Variants in DDX24 observed in about 807,000 individuals in gnomAD.
DDX24 encodes ATP-dependent RNA helicase DDX24.
A neutral mutation model predicts 68.9 loss-of-function variants in DDX24; 24 were observed. The ratio of observed to expected loss-of-function variants is 0.35; its 90% CI spans 0.25 to 0.49. DDX24 has a LOEUF of 0.49. Ranked by LOEUF, DDX24 falls within the 20% of genes least tolerant of loss-of-function variation. The probability of loss-of-function intolerance (pLI) is 0.99; values close to 1 mark genes in which losing one functional copy is unlikely to be tolerated. For synonymous variants in DDX24, 395 were observed against 385.2 expected, an observed-to-expected ratio of 1.03 and a Z score of -0.30; for missense variants, 989 against 1,039.0, an observed-to-expected ratio of 0.95 and a Z score of 0.66.
chr14:94,081,099 CCGCT>C lies in DDX24; in HGVS notation c.-6+16_-6+19del, dbSNP rs1283125481. ...CCCCTCTCCAGAGTCGGCTCCAACC[CCGCT>C]CGTTTTGGTACTCACCGTGTGGAGA... On this transcript the variant is annotated intron_variant, in intron 1 of 8. Transcript: ENST00000621632. The C allele has an allele frequency of 6.6e-6, 1 of 152,322 alleles. No individual in the cohort carries two copies. Among genetic ancestry groups the C allele is most frequent in the African/African-American group, 2.4e-5 (1 of 41,470 alleles). The allele number at this position is 152,322 out of a possible 1,614,324, so 9.4% of individuals were successfully genotyped here. A position where few individuals can be genotyped will look rare whatever the true frequency, so the allele number is the denominator to read the frequency against.
At position 94,060,483 on chromosome 14, in the gene DDX24, G is replaced by A. The variant is rs746212702; in HGVS notation, c.1528C>T (p.Leu510Phe). The A allele has an allele frequency of 3.1e-6, 5 of 1,614,164 alleles. No individual in the cohort carries two copies. Among genetic ancestry groups the A allele is most frequent in the Non-Finnish European group, 4.2e-6 (5 of 1,180,028 alleles). ...KRQTLVFSAT[L>F]TLVHQAPARI... ...GCAGGAGCCTGATGCACCAGGGTGA[G>A]TGTGGCAGAAAAAACAAGCGTTTGT... Residue 510 changes from leucine (L) to phenylalanine (F), a missense_variant, in exon 5 of 9, where the codon CTC becomes TTC. Coordinates refer to ENST00000621632, the MANE Select transcript of DDX24 (RefSeq NM_020414.4).
intron 2 of DDX24, among the ~76,000 whole-genome samples, chr14:94,067,283 G>A (rs778896727): frequency 6.6e-6 from 1 of 151,784 alleles, no homozygotes. Context: ...ATCCAAGAAA[G>A]ACAAAGAAAA....
intron 2 of DDX24, among the ~76,000 whole-genome samples, chr14:94,070,017 A>G (rs1353008752): frequency 6.6e-6 from 1 of 152,188 alleles, no homozygotes; most frequent in Non-Finnish European, 1.5e-5. Flanking sequence ...AGCCAGAGCA[A>G]TAAGACAAGA....
chr14:94,076,520 A>C (rs1357308988), intron 2 of DDX24, among the ~76,000 whole-genome samples: 2 of 152,046 alleles, frequency 1.3e-5, no homozygotes, highest in African/African-American at 2.4e-5. Context: ...GTCTCTGCTA[A>C]AAATACAAAA....
chr14:94,068,353 A>G (rs1567060662), intron 2 of DDX24, among the ~76,000 whole-genome samples: 1 of 152,208 alleles, frequency 6.6e-6, no homozygotes, highest in African/African-American at 2.4e-5. Flanking sequence ...GGAGCTCACC[A>G]ATTTACGAAA....
intron 2 of DDX24, among the ~76,000 whole-genome samples, chr14:94,077,119 T>C (rs1316465635): frequency 6.6e-6 from 1 of 152,256 alleles, no homozygotes; most frequent in Non-Finnish European, 1.5e-5. Context: ...CTGCTTATGT[T>C]ATCTGTAAGG....
Position 94,062,280 on chromosome 14 carries a change from T to C in DDX24, c.1060A>G (p.Asn354Asp). 1.2e-6 allele frequency: 2 copies of C among 1,614,188 alleles called. No individual in the cohort carries two copies. Among genetic ancestry groups the C allele is most frequent in the Non-Finnish European group, 1.7e-6 (2 of 1,180,034 alleles). ...TCAAGATTTTCCTCCTCATTCTCAT[T>C]CTGTTTGGGAACAGGTTTCTCCCTG... is the stretch of plus-strand genomic sequence containing the variant. ...LIREKPVPKQ[N>D]ENEEENLDKE... Residue 354 changes from asparagine (N) to aspartate (D), a missense_variant, in exon 3 of 9, where the codon AAT (asparagine) becomes GAT (aspartate). Transcript: ENST00000621632.
intron 7 of DDX24, chr14:94,053,406 A>T (rs1326239253): frequency 1.9e-5 from 6 of 315,286 alleles, no homozygotes; most frequent in Non-Finnish European, 3.3e-5. Flanking sequence ...CAGGGTCTCA[A>T]CTGTGTTGTC....
chr14:94,058,084 T>G (rs1885523327), intron 5 of DDX24, among the ~76,000 whole-genome samples, 187 bp from the exon 6 acceptor site: 1 of 152,180 alleles, frequency 6.6e-6, no homozygotes, highest in African/African-American at 2.4e-5. Flanking sequence ...ACATGGCTAT[T>G]CAGCTGTGGA....
At chr14:94,057,922 T>C in intron 5 of DDX24, 25 bp from the exon 6 acceptor site, 1 of 1,603,684 alleles carries the variant, frequency 6.2e-7, no homozygotes, top group South Asian at 1.1e-5. Flanking sequence ...GAAAGCTTAT[T>C]AATAATAACT....
chr14:94,067,919 A>T (rs879407595), intron 2 of DDX24, among the ~76,000 whole-genome samples: 1 of 152,232 alleles, frequency 6.6e-6, no homozygotes. Flanking sequence ...CACAGGATGC[A>T]GACATACAAG....
At chr14:94,059,470 A>T (rs1182102687) in intron 5 of DDX24, among the ~76,000 whole-genome samples, 1 of 152,274 alleles carries the variant, frequency 6.6e-6, no homozygotes, top group Admixed American at 6.5e-5. Flanking sequence ...TTCCATCTAT[A>T]AATGAGAATA....
chr14:94,071,797 T>G (rs758513707), intron 2 of DDX24, among the ~76,000 whole-genome samples: 1 of 151,316 alleles, frequency 6.6e-6, no homozygotes, highest in African/African-American at 2.4e-5. Context: ...AATACAAAAT[T>G]AGCTGGGTAT....
chr14:94,073,475 T>C (rs563563532), intron 2 of DDX24, among the ~76,000 whole-genome samples: 33 of 152,158 alleles, frequency 2.2e-4, no homozygotes, highest in Admixed American at 1.4e-3. Flanking sequence ...TAAATATAAA[T>C]AAGGGAAAGT....
At chr14:94,057,614 G>A in intron 6 of DDX24, 1 of 528,670 alleles carries the variant, frequency 1.9e-6, no homozygotes, top group Non-Finnish European at 3.3e-6. Flanking sequence ...TGGAGAGAAG[G>A]GCTACTTGAC....
intron 2 of DDX24, among the ~76,000 whole-genome samples, chr14:94,070,058 A>G (rs1161262570): frequency 6.6e-6 from 1 of 152,184 alleles, no homozygotes; most frequent in Non-Finnish European, 1.5e-5. Flanking sequence ...CAAATCAGTA[A>G]AGAGGAAGTC....
intron 2 of DDX24, among the ~76,000 whole-genome samples, chr14:94,073,002 C>CA (rs11378978): frequency 0.32 from 47,915 of 150,468 alleles, 7,759 homozygotes; most frequent in Admixed American, 0.39. Context: ...GGTATGCTAT[C>CA]AGTCAAAAAA....
At chr14:94,052,025 G>C (rs976981182) in intron 8 of DDX24, among the ~76,000 whole-genome samples, 3 of 152,252 alleles carry the variant, frequency 2.0e-5, no homozygotes, top group Non-Finnish European at 4.4e-5. Context: ...AGGGAAGCCA[G>C]GGCCTCCACA....
At chr14:94,078,141 T>G (rs1266445126) in intron 2 of DDX24, among the ~76,000 whole-genome samples, 1 of 152,190 alleles carries the variant, frequency 6.6e-6, no homozygotes. Flanking sequence ...TGAGATATTA[T>G]AAGTAATCGA....
Sources: allele counts gnomAD v4.1 joint callset (sites outside exome capture counted in the v4.1 genomes callset), GRCh38; gene constraint gnomAD v4.1.1; transcripts MANE v1.5; gene names NCBI Gene and HGNC (gene_info 2026-07-23, HGNC 2026-07-21).